ANK2: variants seen among roughly 807,000 people sequenced by gnomAD.
The protein encoded by ANK2 is ankyrin 2.
Under a neutral mutation model 360.5 loss-of-function variants are expected in ANK2, and 83 were observed. The ratio of observed to expected loss-of-function variants is 0.23; its 90% CI spans 0.19 to 0.28. ANK2 has a LOEUF of 0.28. Among genes scored for constraint, ANK2 ranks in the 10% least tolerant of loss-of-function variants. ANK2 has a pLI of 1.00. For missense variants in ANK2, 4,201 were observed against 4,795.7 expected (o/e 0.88, Z 3.66); for synonymous variants, 1,740 against 1,759.5 (o/e 0.99, Z 0.28).
intron 4 of ANK2, among the ~76,000 whole-genome samples, chr4:113,209,579 T>G (rs753859326): frequency 2.6e-5 from 4 of 151,952 alleles, no homozygotes; most frequent in Admixed American, 6.5e-5. Flanking sequence ...AGGAAGGTGT[T>G]TATTGGCAGG....
Position 113,287,702 on chromosome 4 carries a change from A to G in ANK2, c.2177A>G (p.Lys726Arg). The change falls in exon 19 of 46, where the codon AAG becomes AGG. Residue 726 changes from lysine (K) to arginine (R), a missense_variant and splice_region_variant. Coordinates refer to ENST00000357077, the MANE Select transcript of ANK2 (RefSeq NM_001148.6). ...GGAGCTGATCAGGATGCTCATACAAAGGTAAAGCAAATCACTCTCAGTATT... is the reference window on the plus strand; with the variant it reads ...GGAGCTGATCAGGATGCTCATACAAGGGTAAAGCAAATCACTCTCAGTATT... ...KHGADQDAHT[K>R]LGYTPLIVAC... 6.2e-7 allele frequency: 1 copy of G among 1,603,864 alleles called. No individual in the cohort carries two copies. The highest frequency in any genetic ancestry group is 8.5e-7 in the Non-Finnish European group (1 of 1,170,896).
chr4:112,763,139 G>A, the ANK2 span, among the ~76,000 whole-genome samples: 1 of 152,082 alleles, frequency 6.6e-6, no homozygotes, highest in Non-Finnish European at 1.5e-5. Flanking sequence ...GCTCACCACA[G>A]CCTTGACGCC....
At chr4:112,730,590 T>A in the ANK2 span, among the ~76,000 whole-genome samples, 1 of 126,446 alleles carries the variant, frequency 7.9e-6, no homozygotes, top group African/African-American at 3.1e-5. Flanking sequence ...TGAGCCGAGA[T>A]CGCACCGTTG....
chr4:113,306,688 C>T lies in ANK2; in HGVS notation c.2548+3849C>T, dbSNP rs2077376809. ...GACACAGGCTGTGGATATCATTCCA[C>T]ATATATATATATATTTTCAGTTAAG... On this transcript the variant is annotated intron_variant, in intron 23 of 45. Coordinates refer to ENST00000357077, the MANE Select transcript of ANK2 (RefSeq NM_001148.6). 2.6e-5 allele frequency among the ~76,000 whole-genome samples: 4 copies of T among 151,212 alleles called. No individual in the cohort carries two copies. In the South Asian group the frequency reaches 8.4e-4, roughly 32 times the overall value.
intron 1 of ANK2, among the ~76,000 whole-genome samples, chr4:113,060,179 C>T (rs914014392): frequency 2.0e-5 from 3 of 152,022 alleles, no homozygotes; most frequent in Non-Finnish European, 4.4e-5. Context: ...CTACCTCAAT[C>T]AAACCCGTTT....
intron 1 of ANK2, among the ~76,000 whole-genome samples, chr4:113,113,032 T>G (rs1390167388): frequency 6.6e-6 from 1 of 152,180 alleles, no homozygotes; most frequent in Non-Finnish European, 1.5e-5. Context: ...GCTATGCCAT[T>G]GGACTCACTT....
intron 17 of ANK2, among the ~76,000 whole-genome samples, chr4:113,279,071 G>A (rs1249483128): frequency 1.3e-5 from 2 of 151,882 alleles, no homozygotes; most frequent in Non-Finnish European, 2.9e-5. Context: ...TGTATATCTA[G>A]CACCAAATTC....
At chr4:113,162,112 A>G (rs1005811128) in intron 1 of ANK2, among the ~76,000 whole-genome samples, 6 of 152,290 alleles carry the variant, frequency 3.9e-5, no homozygotes, top group African/African-American at 1.4e-4. Flanking sequence ...ATCTTTATTG[A>G]AAGTGTCACT....
intron 42 of ANK2, among the ~76,000 whole-genome samples, chr4:113,368,093 T>C (rs904212127): frequency 2.0e-5 from 3 of 152,216 alleles, no homozygotes; most frequent in Admixed American, 6.5e-5. Context: ...CAAGTCCTTA[T>C]GTGCTTTGAA....
chr4:112,757,986 C>T, the ANK2 span, among the ~76,000 whole-genome samples: 3 of 151,914 alleles, frequency 2.0e-5, no homozygotes, highest in Non-Finnish European at 4.4e-5. Context: ...TCACTGCAAC[C>T]TCCACTTCTC....
chr4:112,913,056 A>G (rs891398117), intron 2 of ANK2, among the ~76,000 whole-genome samples: 4 of 152,138 alleles, frequency 2.6e-5, no homozygotes, highest in African/African-American at 9.7e-5. Context: ...AGTGCACTAC[A>G]TAGGCTCGGG....
At chr4:112,805,301 CT>C in the ANK2 span, among the ~76,000 whole-genome samples, 2 of 151,716 alleles carry the variant, frequency 1.3e-5, no homozygotes, top group Admixed American at 6.6e-5. Flanking sequence ...AATTTTAAAA[CT>C]TAAGCTTCAT....
chr4:113,162,143 A>T (rs2154403668), intron 1 of ANK2, among the ~76,000 whole-genome samples: 1 of 152,268 alleles, frequency 6.6e-6, no homozygotes, highest in East Asian at 1.9e-4. Flanking sequence ...AAAAGCTAGA[A>T]GTCTCCAACT....
intron 1 of ANK2, among the ~76,000 whole-genome samples, chr4:113,110,196 G>C (rs773462956): frequency 8.5e-5 from 13 of 152,152 alleles, no homozygotes; most frequent in Admixed American, 4.6e-4. Context: ...ATCTTACCTG[G>C]CCGCAGGCAA....
chr4:113,156,368 A>ATTTTTTTT (rs1218946870), intron 1 of ANK2, among the ~76,000 whole-genome samples: 2 of 79,154 alleles, frequency 2.5e-5, no homozygotes, highest in Non-Finnish European at 5.4e-5. Flanking sequence ...ATGTAGAAAA[A>ATTTTTTTT]TTCTTTTTTT....
intron 1 of ANK2, among the ~76,000 whole-genome samples, chr4:113,086,898 G>T (rs552746344): frequency 6.6e-6 from 1 of 152,162 alleles, no homozygotes; most frequent in Non-Finnish European, 1.5e-5. Flanking sequence ...AGTCTGGAGC[G>T]TAGGGAGCAA....
At chr4:112,991,606 CT>C (rs1196565030) in intron 2 of ANK2, among the ~76,000 whole-genome samples, 1 of 126,974 alleles carries the variant, frequency 7.9e-6, no homozygotes, top group Non-Finnish European at 1.6e-5. Context: ...TTTTTCTTTT[CT>C]TTTCTTTCTT....
chr4:113,118,331 TG>T (rs2095038853), intron 1 of ANK2, among the ~76,000 whole-genome samples: 2 of 152,242 alleles, frequency 1.3e-5, no homozygotes, highest in Non-Finnish European at 2.9e-5. Flanking sequence ...CACAAGCTGT[TG>T]TTAAACATAG....
At position 113,355,493 on chromosome 4, in the gene ANK2, G is replaced by T; in HGVS notation, c.6875G>T (p.Arg2292Leu). 1 of 1,614,016 alleles carries T rather than the reference G, an allele frequency of 6.2e-7. No homozygotes were observed. Among genetic ancestry groups the T allele is most frequent in the Non-Finnish European group, 8.5e-7 (1 of 1,179,992 alleles). Reference sequence around the variant, plus strand: ...GACATTACTGGTGGCTCTGAAGAGCGAGGTGCCACAGTCACTGAGGACTCA... The same window carrying T: ...GACATTACTGGTGGCTCTGAAGAGCTAGGTGCCACAGTCACTGAGGACTCA... The part of the protein sequence containing the change: ...TKDITGGSEE[R>L]GATVTEDSET... Residue 2292 changes from arginine to leucine, a missense_variant, in exon 38 of 46, where the codon CGA becomes CTA. Arg to Leu is a moderately radical substitution (Grantham distance 102). Transcript: ENST00000357077.
Sources: gnomAD v4.1 joint callset for allele counts (sites outside exome capture counted in the v4.1 genomes callset) on GRCh38, gnomAD v4.1.1 for gene constraint, MANE v1.5 for transcripts, NCBI Gene and HGNC (gene_info 2026-07-23, HGNC 2026-07-21) for gene names.